The following CADPS variants were observed in gnomAD, a reference collection of about 807,000 sequenced individuals.
The protein encoded by CADPS is calcium dependent secretion activator.
CADPS carries 57 observed loss-of-function variants against 167.3 expected under a neutral mutation model. The ratio of observed to expected loss-of-function variants is 0.34; its 90% CI spans 0.28 to 0.42. CADPS has a LOEUF of 0.42. Ranked by LOEUF, CADPS falls within the 20% of genes least tolerant of loss-of-function variation. The pLI is 1.00. For synonymous variants in CADPS, 676 were observed against 635.3 expected (o/e 1.06, Z -0.96); for missense variants, 1,414 against 1,738.1 (o/e 0.81, Z 3.32).
At chr3:62,655,721 A>G (rs1294791331) in intron 4 of CADPS, among the ~76,000 whole-genome samples, 1 of 152,106 alleles carries the variant, frequency 6.6e-6, no homozygotes, top group African/African-American at 2.4e-5. Context: ...TTGGTGGGTG[A>G]TCAGAAGGAG....
chr3:62,616,548 G>A (rs1041782470), intron 6 of CADPS, among the ~76,000 whole-genome samples: 1 of 152,064 alleles, frequency 6.6e-6, no homozygotes, highest in African/African-American at 2.4e-5. Context: ...TAATTTGCTG[G>A]TCATGTCCAG....
chr3:62,791,336 T>A (rs2092928147), intron 1 of CADPS, among the ~76,000 whole-genome samples: 1 of 152,180 alleles, frequency 6.6e-6, no homozygotes, highest in Non-Finnish European at 1.5e-5. Context: ...TTTCAATTAA[T>A]TGAAATAGCT....
chr3:62,622,786 T>C (rs1345171791), intron 6 of CADPS, among the ~76,000 whole-genome samples: 1 of 152,116 alleles, frequency 6.6e-6, no homozygotes, highest in Non-Finnish European at 1.5e-5. Flanking sequence ...TCCCAGGCTG[T>C]AAATGTTCCC....
intron 1 of CADPS, among the ~76,000 whole-genome samples, chr3:62,814,731 G>C (rs1185411031): frequency 1.3e-5 from 2 of 152,152 alleles, no homozygotes; most frequent in Non-Finnish European, 2.9e-5. Flanking sequence ...GTTGCTGCAA[G>C]ACCATGTTTC....
rs537296852 is a variant in CADPS at position 62,826,933 on chromosome 3, C to CT, written c.441+47655dup. On this transcript the variant is annotated intron_variant, in intron 1 of 29. Transcript: ENST00000383710. ...AATCTGCTGGTTGCTGCCTTTTTAG[C>CT]TTTTTTTCCCCTTCTGAGCTGCCAG... 1.1e-4 allele frequency among the ~76,000 whole-genome samples: 16 copies of CT among 152,236 alleles called. No individual in the cohort carries two copies. The South Asian group carries it at 3.1e-3, about 30-fold the overall frequency.
At chr3:62,441,621 G>T (rs1424247404) in intron 27 of CADPS, among the ~76,000 whole-genome samples, 1 of 152,168 alleles carries the variant, frequency 6.6e-6, no homozygotes, top group East Asian at 1.9e-4. Context: ...GTGCCCACAT[G>T]GAACTAAACC....
In CADPS at chr3:62,455,309, T is replaced by C. The variant is rs183176133; in HGVS notation, c.3637-9512A>G. On this transcript the variant is annotated intron_variant, in intron 26 of 29. Coordinates refer to ENST00000383710, the MANE Select transcript of CADPS (RefSeq NM_003716.4). The surrounding 1 kb of genome is among the most constrained non-coding windows in gnomAD (Gnocchi z 4.4). ...CTGCTGATACTTAACAATGGTTGCA[T>C]GCTTACTCTTTGCCTAGCACAAGGT... Among the ~76,000 whole-genome samples the C allele has an allele frequency of 2.7e-4, 41 of 152,246 alleles. No individual in the cohort carries two copies. The highest frequency in any genetic ancestry group is 1.1e-3 in the Admixed American group (17 of 15,300).
intron 1 of CADPS, among the ~76,000 whole-genome samples, chr3:62,804,649 G>A (rs535845771): frequency 1.3e-5 from 2 of 152,064 alleles, no homozygotes; most frequent in African/African-American, 4.8e-5. Flanking sequence ...AACACCCCGA[G>A]AAATAGCTCT....
chr3:62,474,170 T>TTTTTTTTTTTTTTTTAA lies in CADPS; in HGVS notation c.3477+2_3477+3insTTAAAAAAAAAAAAAAA, dbSNP rs1553783974. On this transcript the variant is annotated splice_region_variant and intron_variant, in intron 24 of 29. Transcript: ENST00000383710. ...AAATCTGTATTTTTTTTTTTTTTTT[T>TTTTTTTTTTTTTTTTAA]ACCTCTTGGCCCATTTCCATGCTGC... 1.8e-5 allele frequency: 26 copies of TTTTTTTTTTTTTTTTAA among 1,475,334 alleles called. No individual in the cohort carries two copies. Among genetic ancestry groups the TTTTTTTTTTTTTTTTAA allele is most frequent in the Non-Finnish European group, 2.2e-5 (24 of 1,105,826 alleles). The allele number at this position is 1,475,334 out of a possible 1,614,324, so 91.4% of individuals were successfully genotyped here. A position where few individuals can be genotyped will look rare whatever the true frequency, so the allele number is the denominator to read the frequency against.
chr3:62,677,342 G>C (rs1008650919), intron 3 of CADPS, among the ~76,000 whole-genome samples: 1 of 152,006 alleles, frequency 6.6e-6, no homozygotes, highest in Non-Finnish European at 1.5e-5. Context: ...AACCCACAAA[G>C]GTTTAGATTT....
chr3:62,821,078 C>T (rs1189157006), intron 1 of CADPS, among the ~76,000 whole-genome samples: 1 of 152,270 alleles, frequency 6.6e-6, no homozygotes. Context: ...GGATTACAGG[C>T]GTAAGCCACT....
chr3:62,546,280 G>A (rs1330206730), intron 11 of CADPS, among the ~76,000 whole-genome samples: 3 of 152,100 alleles, frequency 2.0e-5, no homozygotes, highest in Non-Finnish European at 4.4e-5. Context: ...TGTTATGACT[G>A]TTTTTCATCT....
At position 62,740,748 on chromosome 3, in the gene CADPS, C is replaced by T. The variant is rs138696669; in HGVS notation, c.888+12693G>A. 1.4e-4 allele frequency among the ~76,000 whole-genome samples: 21 copies of T among 152,270 alleles called. No individual in the cohort carries two copies. The East Asian group carries it at 3.3e-3, about 24-fold the overall frequency. On this transcript the variant is annotated intron_variant, in intron 3 of 29. Coordinates refer to ENST00000383710, the MANE Select transcript of CADPS (RefSeq NM_003716.4). ...CACTAACTACCATCACCAACCCAGG[C>T]TATCATTTACTGAGTTCCTATCATG... is the stretch of plus-strand genomic sequence containing the variant.
chr3:62,874,866 G>GCGCCGGCGCCGC lies in CADPS; in HGVS notation c.152_163dup (p.Gly51_Gly54dup). 1 of 1,120,198 alleles carries GCGCCGGCGCCGC rather than the reference G, an allele frequency of 8.9e-7. No homozygotes were observed. Among genetic ancestry groups the GCGCCGGCGCCGC allele is most frequent in the South Asian group, 4.0e-5 (1 of 25,122 alleles). 69.4% of individuals were successfully genotyped at this position (1,120,198 alleles called of 1,614,324 possible). On this transcript the variant is annotated inframe_insertion, in exon 1 of 30. Transcript: ENST00000383710. The surrounding 1 kb of genome is among the most constrained non-coding windows in gnomAD (Gnocchi z 7.1). ...GCCGCCTGCACCCACCCCGGCTCCG[G>GCGCCGGCGCCGC]CGCCGGCGCCGCCGCCCCCCAGCCC...
chr3:62,543,587 G>C (rs1323279236), intron 11 of CADPS, among the ~76,000 whole-genome samples: 1 of 152,036 alleles, frequency 6.6e-6, no homozygotes, highest in African/African-American at 2.4e-5. Flanking sequence ...AAAAACGTCT[G>C]TCTGCTAGCC....
chr3:62,512,170 G>T (rs1040759550), intron 17 of CADPS, among the ~76,000 whole-genome samples: 1 of 152,080 alleles, frequency 6.6e-6, no homozygotes, highest in African/African-American at 2.4e-5. Flanking sequence ...CTCAAAATAA[G>T]ATCAGAAGTT....
intron 28 of CADPS, among the ~76,000 whole-genome samples, chr3:62,425,864 C>A (rs2149498308): frequency 6.6e-6 from 1 of 152,328 alleles, no homozygotes; most frequent in South Asian, 2.1e-4. Context: ...GCATAGACTC[C>A]TGCCTCTTTC....
At chr3:62,836,816 C>G (rs2075967413) in intron 1 of CADPS, among the ~76,000 whole-genome samples, 1 of 152,044 alleles carries the variant, frequency 6.6e-6, no homozygotes, top group Admixed American at 6.6e-5. Context: ...TTCGCCCACC[C>G]CCCGTTGTCA....
intron 8 of CADPS, among the ~76,000 whole-genome samples, chr3:62,583,915 G>A: frequency 6.6e-6 from 1 of 151,910 alleles, no homozygotes; most frequent in South Asian, 2.1e-4. Context: ...GACTTCATGT[G>A]GGCTTCTGTT....
Sources: gnomAD v4.1 joint callset for allele counts (sites outside exome capture counted in the v4.1 genomes callset) on GRCh38, gnomAD v4.1.1 for gene constraint, Gnocchi (gnomAD v3.1) non-coding constraint, MANE v1.5 for transcripts, NCBI Gene and HGNC (gene_info 2026-07-23, HGNC 2026-07-21) for gene names.